The following DTX3L variants were observed in gnomAD, a reference collection of about 807,000 sequenced individuals.
The protein encoded by DTX3L is E3 ubiquitin-protein ligase DTX3L.
In DTX3L, 34 loss-of-function variants were observed where a neutral mutation model predicts 60.9. The observed-to-expected ratio is 0.56, with a 90% CI of 0.42 to 0.74. The LOEUF (loss-of-function observed/expected upper bound fraction) is 0.74, where lower values mean the gene tolerates loss of function less well. Ranked by LOEUF, DTX3L falls within the 30% of genes least tolerant of loss-of-function variation. The probability of loss-of-function intolerance (pLI) is 0.00; values close to 1 mark genes in which losing one functional copy is unlikely to be tolerated. For missense variants in DTX3L, 810 were observed against 874.0 expected (o/e 0.93, Z 0.92); for synonymous variants, 290 against 316.6 (o/e 0.92, Z 0.89).
intron 2 of DTX3L, among the ~76,000 whole-genome samples, chr3:122,566,669 T>C (rs1466440189): frequency 6.6e-6 from 1 of 152,126 alleles, no homozygotes; most frequent in East Asian, 1.9e-4. Context: ...GGCCTGGTGC[T>C]ACTTCTAACC....
chr3:122,571,023 C>T (rs978984361), intron 4 of DTX3L, among the ~76,000 whole-genome samples: 3 of 152,220 alleles, frequency 2.0e-5, no homozygotes, highest in African/African-American at 7.2e-5. Context: ...TTCTTTTTCA[C>T]CCCTTCCCCC....
intron 4 of DTX3L, among the ~76,000 whole-genome samples, chr3:122,570,904 G>T (rs899118403): frequency 1.3e-5 from 2 of 152,156 alleles, no homozygotes; most frequent in African/African-American, 4.8e-5. Context: ...AGGACAGGGG[G>T]CTTTTGAATC....
chr3:122,570,798 C>A (rs763634965), intron 4 of DTX3L, 126 bp downstream of exon 4: 17 of 961,322 alleles, frequency 1.8e-5, no homozygotes, highest in Non-Finnish European at 2.7e-5. Flanking sequence ...AGCTGCTGAT[C>A]GGGGATGGTA....
At position 122,571,677 on chromosome 3, in the gene DTX3L, G is replaced by A; in HGVS notation, c.2154-1G>A. ...CACTAAAGGAATTTTTGTTTCTTCA[G>A]GTATGGCTATCCTGATCCTTCTTAC... is the stretch of plus-strand genomic sequence containing the variant. On this transcript the variant is annotated splice_acceptor_variant, in intron 4 of 4. Transcript: ENST00000296161. LOFTEE classifies it high-confidence loss of function. The A allele has an allele frequency of 6.2e-7, 1 of 1,610,706 alleles. No homozygotes were observed. The highest frequency in any genetic ancestry group is 8.5e-7 in the Non-Finnish European group (1 of 1,178,006).
chr3:122,565,609 G>A (rs918172289), intron 1 of DTX3L, among the ~76,000 whole-genome samples: 3 of 150,488 alleles, frequency 2.0e-5, no homozygotes, highest in Admixed American at 6.6e-5. Context: ...TTAGAAACAT[G>A]ATGTTTAATC....
intron 4 of DTX3L, among the ~76,000 whole-genome samples, chr3:122,571,273 AT>A: frequency 6.6e-6 from 1 of 152,304 alleles, no homozygotes; most frequent in East Asian, 1.9e-4. Flanking sequence ...AAAACACAGT[AT>A]ATTATTATAT....
chr3:122,568,793 A>G lies in DTX3L; in HGVS notation c.704A>G (p.Tyr235Cys). ...ACCAAGGCAGAACAAAAAAGCAACT[A>G]TTTTGAAGTTCCCTTGCCTTACTTT... is the stretch of plus-strand genomic sequence containing the variant. ...PETKAEQKSN[Y>C]FEVPLPYFEY... Residue 235 changes from tyrosine to cysteine, a missense_variant, in exon 3 of 5, where the codon TAT (tyrosine) becomes TGT (cysteine). By Grantham distance (194) the Tyr-to-Cys change is radical (BLOSUM62 -2). Transcript: ENST00000296161. 1.2e-6 allele frequency: 2 copies of G among 1,614,084 alleles called. No individual in the cohort carries two copies. Among genetic ancestry groups the G allele is most frequent in the Non-Finnish European group, 1.7e-6 (2 of 1,180,034 alleles).
intron 3 of DTX3L, 126 bp from the exon 4 acceptor site, chr3:122,570,329 T>C (rs1305298326): frequency 4.2e-6 from 4 of 961,048 alleles, no homozygotes; most frequent in South Asian, 3.3e-5. Context: ...TTATTGGGAA[T>C]ATGAGCATAA....
rs372600946 is a variant in DTX3L at position 122,564,416 on chromosome 3, C to T, written c.-11C>T. The T allele has an allele frequency of 1.2e-5, 20 of 1,602,698 alleles. No individual in the cohort carries two copies. Among genetic ancestry groups the T allele is most frequent in the Non-Finnish European group, 1.6e-5 (19 of 1,175,244 alleles). On this transcript the variant is annotated 5_prime_UTR_variant, in exon 1 of 5. The change creates a new upstream start codon in the 5' untranslated region. Transcript: ENST00000296161. ...TCCCGGAGCCCCCGCGCCCTCCCGA[C>T]GCGCAGAGCCATGGCCTCCCACCTG...
At position 122,574,847 on chromosome 3, in the gene DTX3L, T is replaced by C. The variant is rs370608078; in HGVS notation, c.*3100T>C. ...GCAAATTTCCCCAGAGGAAATCCTA[T>C]TGGAAGAACTTAAAAACTCAGAATC... On this transcript the variant is annotated 3_prime_UTR_variant, in exon 5 of 5. Coordinates refer to ENST00000296161, the MANE Select transcript of DTX3L (RefSeq NM_138287.3). The C allele has an allele frequency of 4.3e-4, 66 of 152,330 alleles. 1 individual carries two copies. The highest frequency in any genetic ancestry group is 1.5e-3 in the African/African-American group (63 of 41,576). The allele number at this position is 152,330 out of a possible 1,614,324, so 9.4% of individuals were successfully genotyped here. A position where few individuals can be genotyped will look rare whatever the true frequency, so the allele number is the denominator to read the frequency against.
intron 4 of DTX3L, 132 bp from the exon 5 acceptor site, chr3:122,571,546 A>G: frequency 1.5e-6 from 1 of 668,744 alleles, no homozygotes; most frequent in Non-Finnish European, 2.5e-6. Flanking sequence ...AAGTCATGAT[A>G]CGTCATCCAC....
intron 2 of DTX3L, among the ~76,000 whole-genome samples, chr3:122,567,025 G>A (rs1265820645): frequency 6.6e-6 from 1 of 152,154 alleles, no homozygotes; most frequent in African/African-American, 2.4e-5. Flanking sequence ...ATTTCTGGGC[G>A]GAAAGTGTCC....
In DTX3L at chr3:122,575,045, T is replaced by A. The variant is rs570043360; in HGVS notation, c.*3298T>A. The A allele has an allele frequency of 6.6e-6, 1 of 152,344 alleles. No homozygotes were observed. Among genetic ancestry groups the A allele is most frequent in the African/African-American group, 2.4e-5 (1 of 41,586 alleles). The allele number at this position is 152,344 out of a possible 1,614,324, so 9.4% of individuals were successfully genotyped here. On this transcript the variant is annotated 3_prime_UTR_variant, in exon 5 of 5. Transcript: ENST00000296161. ...TGTTCCAAAGAAGCAAAAGTTTGGT[T>A]TCTACTAAGTTCTGGATTCTGGATG...
chr3:122,569,126 C>G lies in DTX3L; in HGVS notation c.1037C>G (p.Thr346Ser). The change falls in exon 3 of 5, where the codon ACC becomes AGC. Residue 346 changes from threonine to serine, a missense_variant. Coordinates refer to ENST00000296161, the MANE Select transcript of DTX3L (RefSeq NM_138287.3). ...GGAGGCGAATTAACTCTCCTTGGGA[C>G]CCAAGATGACATTTCAGCTGCCAAA... ...EKGGELTLLG[T>S]QDDISAAKQK... 6.2e-7 allele frequency: 1 copy of G among 1,614,124 alleles called. No homozygotes were observed. Among genetic ancestry groups the G allele is most frequent in the Non-Finnish European group, 8.5e-7 (1 of 1,180,032 alleles).
intron 2 of DTX3L, 36 bp from the exon 3 acceptor site, chr3:122,568,453 A>C (rs375369179): frequency 7.2e-6 from 11 of 1,518,088 alleles, no homozygotes; most frequent in African/African-American, 4.2e-5. Flanking sequence ...GCATGCTGAG[A>C]GGTTTTATTT....
In DTX3L at chr3:122,568,829, A is replaced by C; in HGVS notation, c.740A>C (p.Lys247Thr). ...CCCTTGCCTTACTTTGAATACTTTA[A>C]ATATATCTGTCCTGATAAAATCAAC... ...EVPLPYFEYFKYICPDKINSI... is the reference protein window; with the variant it reads ...EVPLPYFEYFTYICPDKINSI... The change falls in exon 3 of 5, where the codon AAA becomes ACA. Residue 247 changes from lysine (K) to threonine (T), a missense_variant. Physicochemically the swap from Lys to Thr is moderately conservative, Grantham distance 78. Transcript: ENST00000296161. 1 of 1,614,120 alleles carries C rather than the reference A, an allele frequency of 6.2e-7. No homozygotes were observed. Among genetic ancestry groups the C allele is most frequent in the Non-Finnish European group, 8.5e-7 (1 of 1,180,030 alleles).
intron 4 of DTX3L, 91 bp downstream of exon 4, chr3:122,570,763 A>G (rs760419268): frequency 7.5e-6 from 10 of 1,327,272 alleles, no homozygotes; most frequent in Non-Finnish European, 1.1e-5. Context: ...AGTAGACTCT[A>G]TAGCAGTGGA....
rs2080627268 is a variant in DTX3L at position 122,569,361 on chromosome 3, C to A, written c.1272C>A (p.Asp424Glu). 3 of 1,614,146 alleles carry A rather than the reference C, an allele frequency of 1.9e-6. No individual in the cohort carries two copies. In the South Asian group the frequency reaches 3.3e-5, roughly 18 times the overall value. The change falls in exon 3 of 5, where the codon GAC becomes GAA. Residue 424 changes from aspartate (D) to glutamate (E), a missense_variant. By Grantham distance (45) the Asp-to-Glu change is conservative. Coordinates refer to ENST00000296161, the MANE Select transcript of DTX3L (RefSeq NM_138287.3). ...QKTCILFESK[D>E]RQVDLSVHAY... Reference sequence around the variant, plus strand: ...CCTGCATTCTGTTTGAATCCAAGGACAGGCAGGTAGATCTATCTGTGCATG... The same window carrying A: ...CCTGCATTCTGTTTGAATCCAAGGAAAGGCAGGTAGATCTATCTGTGCATG...
Position 122,564,399 on chromosome 3 carries a change from C to G in DTX3L, c.-28C>G. On this transcript the variant is annotated 5_prime_UTR_variant, in exon 1 of 5. Coordinates refer to ENST00000296161, the MANE Select transcript of DTX3L (RefSeq NM_138287.3). ...TTTACCGCCCAGCTGCCTCCCGGAG[C>G]CCCCGCGCCCTCCCGACGCGCAGAG... is the stretch of plus-strand genomic sequence containing the variant. 5.0e-6 allele frequency: 8 copies of G among 1,587,836 alleles called. No homozygotes were observed. The highest frequency in any genetic ancestry group is 6.8e-6 in the Non-Finnish European group (8 of 1,168,928).
Sources: allele counts gnomAD v4.1 joint callset (sites outside exome capture counted in the v4.1 genomes callset), GRCh38; gene constraint gnomAD v4.1.1; transcripts MANE v1.5; gene names NCBI Gene and HGNC (gene_info 2026-07-23, HGNC 2026-07-21).